Variants in CTNND2 observed in about 807,000 individuals in gnomAD.
CTNND2 encodes the protein catenin delta 2.
In CTNND2, 22 loss-of-function variants were observed where a neutral mutation model predicts 144.4. The ratio of observed to expected loss-of-function variants is 0.15; its 90% CI spans 0.11 to 0.22. The LOEUF (loss-of-function observed/expected upper bound fraction) is 0.22. Ranked by LOEUF, CTNND2 falls within the 10% of genes least tolerant of loss-of-function variation. The pLI, the probability that CTNND2 is intolerant of heterozygous loss-of-function variation, is 1.00. For missense variants in CTNND2, 1,353 were observed against 1,618.8 expected, an observed-to-expected ratio of 0.84 and a Z score of 2.82; for synonymous variants, 751 against 695.6, an observed-to-expected ratio of 1.08 and a Z score of -1.25.
At chr5:11,149,148 C>T (rs977350955) in intron 12 of CTNND2, among the ~76,000 whole-genome samples, 2 of 152,222 alleles carry the variant, frequency 1.3e-5, no homozygotes, top group African/African-American at 4.8e-5. Flanking sequence ...CAAAAGGACA[C>T]GATGCTTTTG....
intron 1 of CTNND2, among the ~76,000 whole-genome samples, chr5:11,749,724 T>C (rs917447595): frequency 2.0e-5 from 3 of 152,072 alleles, no homozygotes; most frequent in African/African-American, 2.4e-5. Context: ...TTTAGGTTGA[T>C]ATTTTTGGAC....
intron 3 of CTNND2, among the ~76,000 whole-genome samples, chr5:11,435,866 C>G (rs1182671334): frequency 6.6e-6 from 1 of 152,184 alleles, no homozygotes; most frequent in Non-Finnish European, 1.5e-5. Flanking sequence ...TGGAGCCCAG[C>G]TCTTGCTTTC....
intron 9 of CTNND2, among the ~76,000 whole-genome samples, chr5:11,269,227 G>A (rs1477513394): frequency 2.6e-5 from 4 of 152,230 alleles, no homozygotes; most frequent in African/African-American, 9.6e-5. Context: ...AAGCGAGGCA[G>A]TGCGCTTTGA....
chr5:11,474,443 G>A (rs1767529987), intron 3 of CTNND2, among the ~76,000 whole-genome samples: 1 of 152,180 alleles, frequency 6.6e-6, no homozygotes, highest in Non-Finnish European at 1.5e-5. Flanking sequence ...ATGATATTAT[G>A]AGAGCCCAGA....
chr5:11,884,147 G>A (rs576960147), intron 1 of CTNND2, among the ~76,000 whole-genome samples: 7 of 152,128 alleles, frequency 4.6e-5, no homozygotes, highest in South Asian at 4.2e-4. Flanking sequence ...TCTGATGATC[G>A]TTTCTTTTGT....
chr5:11,567,066 G>A (rs1274906385), intron 2 of CTNND2, among the ~76,000 whole-genome samples: 1 of 152,026 alleles, frequency 6.6e-6, no homozygotes, highest in South Asian at 2.1e-4. Context: ...TCATCCTCTT[G>A]TTTGCACTGT....
At chr5:11,874,760 T>C (rs1406036917) in intron 1 of CTNND2, among the ~76,000 whole-genome samples, 1 of 152,244 alleles carries the variant, frequency 6.6e-6, no homozygotes, top group Non-Finnish European at 1.5e-5. Context: ...CACAGTTGAC[T>C]GTGGATAACT....
At chr5:11,104,890 C>T (rs948653695) in intron 14 of CTNND2, among the ~76,000 whole-genome samples, 3 of 152,196 alleles carry the variant, frequency 2.0e-5, no homozygotes, top group Admixed American at 6.5e-5. Context: ...CTGAACAAAG[C>T]GTTAGGGCAA....
chr5:11,740,981 T>C (rs1787970168), intron 1 of CTNND2, among the ~76,000 whole-genome samples: 1 of 152,204 alleles, frequency 6.6e-6, no homozygotes, highest in Non-Finnish European at 1.5e-5. Context: ...TCATCGTCAC[T>C]GGTCATCAGA....
chr5:11,240,122 AC>A (rs552250334), intron 9 of CTNND2, among the ~76,000 whole-genome samples: 3 of 148,406 alleles, frequency 2.0e-5, no homozygotes, highest in Non-Finnish European at 4.5e-5. Flanking sequence ...ACACACACAC[AC>A]CCCCAACACA....
At chr5:11,108,024 T>A (rs1580306970) in intron 14 of CTNND2, among the ~76,000 whole-genome samples, 1 of 152,222 alleles carries the variant, frequency 6.6e-6, no homozygotes, top group South Asian at 2.1e-4. Flanking sequence ...TCTTTGGGGA[T>A]CAATTGCTAT....
intron 12 of CTNND2, among the ~76,000 whole-genome samples, chr5:11,128,387 C>T (rs1167429432): frequency 6.6e-6 from 1 of 152,066 alleles, no homozygotes. Context: ...CCCAGAGCTG[C>T]TAGTAAGGAG....
At chr5:11,170,126 A>G (rs901168176) in intron 11 of CTNND2, among the ~76,000 whole-genome samples, 1 of 152,198 alleles carries the variant, frequency 6.6e-6, no homozygotes, top group Non-Finnish European at 1.5e-5. Flanking sequence ...AAGTCATTCA[A>G]CTTTTGGGGA....
intron 1 of CTNND2, among the ~76,000 whole-genome samples, chr5:11,888,945 T>C (rs761090222): frequency 5.9e-5 from 9 of 152,010 alleles, no homozygotes; most frequent in Non-Finnish European, 1.0e-4. Flanking sequence ...AGAGACAGGG[T>C]TTCACCATGT....
chr5:11,632,097 T>C (rs370442650), intron 2 of CTNND2, among the ~76,000 whole-genome samples: 19 of 152,274 alleles, frequency 1.2e-4, no homozygotes, highest in African/African-American at 3.6e-4. Flanking sequence ...AGCTCCTTGA[T>C]AGCAATAAAT....
rs142214761 is a variant in CTNND2, at chr5:11,829,531, C to T, written c.37+74286G>A. Among the ~76,000 whole-genome samples, 86 of 152,324 alleles carry T rather than the reference C, an allele frequency of 5.6e-4. No homozygotes were observed. In the East Asian group the frequency reaches 0.015, roughly 27 times the overall value. On this transcript the variant is annotated intron_variant, in intron 1 of 21. Transcript: ENST00000304623. ...GCTTCACAGTGTACAAAGCCCCAAG[C>T]GTTGTCAGCTTCCATATGGTGTTGA...
intron 2 of CTNND2, among the ~76,000 whole-genome samples, chr5:11,616,509 T>C (rs983158856): frequency 6.6e-6 from 1 of 152,084 alleles, no homozygotes; most frequent in Admixed American, 6.6e-5. Flanking sequence ...TTTCTACCTG[T>C]TTTTCCTTCC....
At chr5:11,470,163 C>G (rs1039638211) in intron 3 of CTNND2, among the ~76,000 whole-genome samples, 2 of 152,164 alleles carry the variant, frequency 1.3e-5, no homozygotes, top group Admixed American at 6.5e-5. Context: ...AGGCCAGGCA[C>G]GGTGGCTCAC....
intron 19 of CTNND2, among the ~76,000 whole-genome samples, chr5:10,990,262 G>A (rs1050242777): frequency 2.0e-5 from 3 of 152,206 alleles, no homozygotes; most frequent in East Asian, 1.9e-4. Context: ...TCTCTGTCCC[G>A]AATGTGAATC....
Sources: gnomAD v4.1 joint callset for allele counts (sites outside exome capture counted in the v4.1 genomes callset) on GRCh38, gnomAD v4.1.1 for gene constraint, MANE v1.5 for transcripts, NCBI Gene and HGNC (gene_info 2026-07-23, HGNC 2026-07-21) for gene names.